Variants in USP44 observed in about 807,000 individuals in gnomAD.
The protein encoded by USP44 is ubiquitin specific peptidase 44.
A neutral mutation model predicts 69.0 loss-of-function variants in USP44; 61 were observed. That is an observed-to-expected ratio of 0.88 (90% CI 0.72 to 1.09). USP44 has a LOEUF of 1.09. Among genes scored for constraint, USP44 ranks in the 50% least tolerant of loss-of-function variants. The pLI is 0.00. For missense variants in USP44, 753 were observed against 849.9 expected, an observed-to-expected ratio of 0.89 and a Z score of 1.42; for synonymous variants, 297 against 295.4, an observed-to-expected ratio of 1.01 and a Z score of -0.06.
chr12:95,532,722 G>A (rs1217417977), intron 2 of USP44, 107 bp downstream of exon 2: 1 of 913,672 alleles, frequency 1.1e-6, no homozygotes, highest in Non-Finnish European at 1.6e-6. Context: ...ATTTTGACCT[G>A]AAAATGGTAC....
chr12:95,531,709 A>G (rs1362332481), intron 2 of USP44, among the ~76,000 whole-genome samples: 3 of 152,234 alleles, frequency 2.0e-5, no homozygotes, highest in Non-Finnish European at 4.4e-5. Context: ...ACATTTTAGG[A>G]AAGTATGCTA....
intron 1 of USP44, among the ~76,000 whole-genome samples, chr12:95,543,686 G>A (rs967071231): frequency 6.6e-6 from 1 of 151,754 alleles, no homozygotes; most frequent in South Asian, 2.1e-4. Context: ...AACATACCAG[G>A]CCGGGCGCGG....
At chr12:95,528,749 T>G (rs946195435) in intron 3 of USP44, 58 bp downstream of exon 3, 5 of 1,501,816 alleles carry the variant, frequency 3.3e-6, no homozygotes, top group Non-Finnish European at 2.7e-6. Context: ...CTTCCTCTCA[T>G]CTGCGTTTCT....
Position 95,551,361 on chromosome 12 carries a change from G to A in USP44, c.-160C>T, listed in dbSNP as rs557190202. ...TGCAGGATCGCCCAGTTTCCATCAG[G>A]GCAAATGCTGATCTCCTAAGTGAAA... On this transcript the variant is annotated 5_prime_UTR_variant, in exon 1 of 6. Coordinates refer to ENST00000258499, the MANE Select transcript of USP44 (RefSeq NM_032147.5). 1 of 152,560 alleles carries A rather than the reference G, an allele frequency of 6.6e-6. No homozygotes were observed. Among genetic ancestry groups the A allele is most frequent in the Non-Finnish European group, 1.5e-5 (1 of 68,032 alleles). 9.5% of individuals were successfully genotyped at this position (152,560 alleles called of 1,614,324 possible).
chr12:95,542,133 G>A (rs1336626265), intron 1 of USP44, among the ~76,000 whole-genome samples: 2 of 152,012 alleles, frequency 1.3e-5, no homozygotes, highest in East Asian at 3.9e-4. Flanking sequence ...CTCCCACCTT[G>A]GCCTTCCAAA....
intron 1 of USP44, among the ~76,000 whole-genome samples, chr12:95,542,115 A>C (rs963219593): frequency 6.6e-6 from 1 of 152,138 alleles, no homozygotes; most frequent in Non-Finnish European, 1.5e-5. Flanking sequence ...TCCTGGCCTC[A>C]AGTGATCCTC....
At chr12:95,520,292 A>C (rs2076618456) in intron 5 of USP44, among the ~76,000 whole-genome samples, 1 of 151,878 alleles carries the variant, frequency 6.6e-6, no homozygotes, top group Admixed American at 6.6e-5. Flanking sequence ...GGAGATTGAG[A>C]CCATCCTGGC....
chr12:95,531,883 C>CTGT (rs2077031911), intron 2 of USP44, among the ~76,000 whole-genome samples: 1 of 152,162 alleles, frequency 6.6e-6, no homozygotes, highest in African/African-American at 2.4e-5. Context: ...TGTCTATTAA[C>CTGT]AGTTCACCAA....
chr12:95,523,096 A>G (rs2076719704), intron 4 of USP44, among the ~76,000 whole-genome samples: 1 of 152,124 alleles, frequency 6.6e-6, no homozygotes, highest in South Asian at 2.1e-4. Flanking sequence ...TGGAACCTAT[A>G]TGCCCCTTCC....
chr12:95,530,694 T>TAGATAGATAG (rs1565816685), intron 2 of USP44, among the ~76,000 whole-genome samples: 3 of 128,512 alleles, frequency 2.3e-5, no homozygotes, highest in African/African-American at 8.7e-5. Flanking sequence ...TAGATAGATA[T>TAGATAGATAG]AAAAGAAAAA....
chr12:95,541,051 G>T, intron 1 of USP44, among the ~76,000 whole-genome samples: 1 of 152,172 alleles, frequency 6.6e-6, no homozygotes, highest in East Asian at 1.9e-4. Context: ...AGGCCAAGGC[G>T]GGCGGATCAC....
At chr12:95,521,955 C>T in intron 4 of USP44, 1 of 765,476 alleles carries the variant, frequency 1.3e-6, no homozygotes, top group Non-Finnish European at 1.6e-6. Context: ...ACAACAGGAA[C>T]TGTGTCCCCT....
intron 1 of USP44, among the ~76,000 whole-genome samples, chr12:95,550,479 A>T (rs1187972901): frequency 6.6e-6 from 1 of 152,190 alleles, no homozygotes; most frequent in African/African-American, 2.4e-5. Context: ...TCTATGTTGT[A>T]CTTTTGCCCA....
chr12:95,529,309 T>C (rs1371200774), intron 2 of USP44, among the ~76,000 whole-genome samples: 2 of 151,876 alleles, frequency 1.3e-5, no homozygotes, highest in African/African-American at 2.4e-5. Context: ...TATGTATACA[T>C]ATATACATAT....
Position 95,517,168 on chromosome 12 carries a change from G to C in USP44, c.*986C>G, listed in dbSNP as rs545744261. Reference sequence around the variant, plus strand: ...CCTACCTAGTAGTCACATAATCCTAGCAAGAGTAAATCAAGCTTTAGTTAT... The same window carrying C: ...CCTACCTAGTAGTCACATAATCCTACCAAGAGTAAATCAAGCTTTAGTTAT... On this transcript the variant is annotated 3_prime_UTR_variant, in exon 6 of 6. Coordinates refer to ENST00000258499, the MANE Select transcript of USP44 (RefSeq NM_032147.5). The C allele has an allele frequency of 4.7e-5, 7 of 149,646 alleles. No individual in the cohort carries two copies. Among genetic ancestry groups the C allele is most frequent in the African/African-American group, 1.7e-4 (7 of 40,488 alleles). The allele number at this position is 149,646 out of a possible 1,614,324, so 9.3% of individuals were successfully genotyped here.
At position 95,526,354 on chromosome 12, in the gene USP44, C is replaced by T. The variant is rs998982498; in HGVS notation, c.1625-1566G>A. ...TTGGAAGGCAGAGGCGGGTGGATCA[C>T]GAGGTCAGGAGATCGAGACCATCCT... On this transcript the variant is annotated intron_variant, in intron 3 of 5. Transcript: ENST00000258499. Among the ~76,000 whole-genome samples the T allele has an allele frequency of 4.6e-5, 7 of 152,264 alleles. No homozygotes were observed. In the East Asian group the frequency reaches 7.7e-4, roughly 17 times the overall value.
chr12:95,546,526 C>T (rs941362300), intron 1 of USP44: 1 of 152,154 alleles, frequency 6.6e-6, no homozygotes, highest in African/African-American at 2.4e-5. Flanking sequence ...AAACTGTCCC[C>T]CGTTACTGAA....
chr12:95,524,679 C>A lies in USP44; in HGVS notation c.1733+1G>T. 1 of 1,605,038 alleles carries A rather than the reference C, an allele frequency of 6.2e-7. No individual in the cohort carries two copies. The highest frequency in any genetic ancestry group is 8.5e-7 in the Non-Finnish European group (1 of 1,176,716). On this transcript the variant is annotated splice_donor_variant, in intron 4 of 5. Coordinates refer to ENST00000258499, the MANE Select transcript of USP44 (RefSeq NM_032147.5). LOFTEE classifies it high-confidence loss of function. ...ACTTTGCAACTGGTCCTACTACAGACCTGAATCGTTTGAGGTGCAGTCTGA... is the reference window on the plus strand; with the variant it reads ...ACTTTGCAACTGGTCCTACTACAGAACTGAATCGTTTGAGGTGCAGTCTGA...
At position 95,518,040 on chromosome 12, in the gene USP44, T is replaced by C; in HGVS notation, c.*114A>G. 9.0e-7 allele frequency: 1 copy of C among 1,107,920 alleles called. No individual in the cohort carries two copies. The highest frequency in any genetic ancestry group is 1.6e-5 in the African/African-American group (1 of 63,022). 68.6% of individuals were successfully genotyped at this position (1,107,920 alleles called of 1,614,324 possible). A position where few individuals can be genotyped will look rare whatever the true frequency, so the allele number is the denominator to read the frequency against. ...AAAAAAAAAATTGTTAGATATAAAATGTATAAATGTAGTATACACTGATTC... is the reference window on the plus strand; with the variant it reads ...AAAAAAAAAATTGTTAGATATAAAACGTATAAATGTAGTATACACTGATTC... On this transcript the variant is annotated 3_prime_UTR_variant, in exon 6 of 6. Coordinates refer to ENST00000258499, the MANE Select transcript of USP44 (RefSeq NM_032147.5).
Sources: allele counts gnomAD v4.1 joint callset (sites outside exome capture counted in the v4.1 genomes callset), GRCh38; gene constraint gnomAD v4.1.1; transcripts MANE v1.5; gene names NCBI Gene and HGNC (gene_info 2026-07-23, HGNC 2026-07-21).